Variants in DLG2 observed in about 807,000 individuals in gnomAD.
DLG2 encodes disks large homolog 2.
DLG2 carries 45 observed loss-of-function variants against 132.5 expected under a neutral mutation model. The ratio of observed to expected loss-of-function variants is 0.34; its 90% CI spans 0.27 to 0.44. DLG2 has a LOEUF of 0.44. Among genes scored for constraint, DLG2 ranks in the 20% least tolerant of loss-of-function variants. DLG2 has a pLI of 1.00. For synonymous variants in DLG2, 424 were observed against 419.6 expected (o/e 1.01, Z -0.13); for missense variants, 1,045 against 1,196.9 (o/e 0.87, Z 1.87).
At chr11:85,468,785 T>A (rs371055792) in intron 3 of DLG2, among the ~76,000 whole-genome samples, 2 of 152,194 alleles carry the variant, frequency 1.3e-5, no homozygotes, top group Non-Finnish European at 2.9e-5. Flanking sequence ...GAATGTATAT[T>A]CTGTTGATTT....
intron 19 of DLG2, among the ~76,000 whole-genome samples, chr11:83,596,650 A>G (rs2057635039): frequency 6.6e-6 from 1 of 152,202 alleles, no homozygotes; most frequent in Non-Finnish European, 1.5e-5. Flanking sequence ...GTTACTTTAC[A>G]TGATATTCAA....
intron 18 of DLG2, among the ~76,000 whole-genome samples, chr11:83,708,374 T>C (rs886190363): frequency 2.0e-5 from 3 of 152,050 alleles, no homozygotes; most frequent in African/African-American, 4.8e-5. Context: ...ATGTTGAAAA[T>C]AGAAAAATAT....
chr11:84,554,130 T>C (rs1172192581), intron 6 of DLG2, among the ~76,000 whole-genome samples: 1 of 152,246 alleles, frequency 6.6e-6, no homozygotes, highest in African/African-American at 2.4e-5. Context: ...ATTCAGTTCA[T>C]GGCTTCATTT....
At chr11:85,433,799 A>G (rs1443702691) in intron 3 of DLG2, among the ~76,000 whole-genome samples, 1 of 152,214 alleles carries the variant, frequency 6.6e-6, no homozygotes, top group African/African-American at 2.4e-5. Flanking sequence ...ACTTGAACTC[A>G]GCTCTGGATC....
intron 6 of DLG2, among the ~76,000 whole-genome samples, chr11:84,796,802 C>A (rs1598342429): frequency 6.6e-6 from 1 of 151,340 alleles, no homozygotes; most frequent in South Asian, 2.1e-4. Flanking sequence ...TGTGTCTTTT[C>A]TTTTGTTGTT....
intron 18 of DLG2, among the ~76,000 whole-genome samples, chr11:83,639,996 T>C (rs1041281720): frequency 2.6e-5 from 4 of 152,170 alleles, no homozygotes; most frequent in African/African-American, 7.2e-5. Flanking sequence ...GTTATTACTT[T>C]GGTGACTCCT....
At chr11:85,380,684 A>T (rs924562524) in intron 3 of DLG2, among the ~76,000 whole-genome samples, 4 of 152,294 alleles carry the variant, frequency 2.6e-5, no homozygotes, top group African/African-American at 9.6e-5. Flanking sequence ...AAAAAAAGTG[A>T]ACATGGAGGA....
chr11:84,877,282 G>A lies in DLG2; in HGVS notation c.357+234379C>T, dbSNP rs112376133. On this transcript the variant is annotated intron_variant, in intron 6 of 27. Coordinates refer to ENST00000376104, the MANE Select transcript of DLG2 (RefSeq NM_001142699.3). ...ATTGATCTGTCTAATATTGACAGTG[G>A]GGTGTAAAAGTCTCCCAATATTATT... Among the ~76,000 whole-genome samples, 544 of 152,044 alleles carry A rather than the reference G, an allele frequency of 3.6e-3. 6 individuals carry two copies. The highest frequency in any genetic ancestry group is 0.012 in the African/African-American group (501 of 41,480).
chr11:84,783,253 T>C (rs1365777192), intron 6 of DLG2, among the ~76,000 whole-genome samples: 3 of 152,186 alleles, frequency 2.0e-5, no homozygotes, highest in Admixed American at 6.5e-5. Context: ...ATTTTCATCC[T>C]GGGTAAAACA....
At chr11:85,323,736 T>A (rs528965065) in intron 3 of DLG2, among the ~76,000 whole-genome samples, 31 of 152,218 alleles carry the variant, frequency 2.0e-4, no homozygotes, top group Non-Finnish European at 3.5e-4. Flanking sequence ...CTCCCACATA[T>A]TAGTGAGAAT....
chr11:84,347,253 G>C (rs1461796281), intron 7 of DLG2, among the ~76,000 whole-genome samples: 1 of 152,142 alleles, frequency 6.6e-6, no homozygotes, highest in Non-Finnish European at 1.5e-5. Flanking sequence ...TGACTTCTTA[G>C]ATGTGTGACC....
intron 5 of DLG2, among the ~76,000 whole-genome samples, chr11:85,115,597 A>G (rs1262680519): frequency 6.6e-6 from 1 of 151,996 alleles, no homozygotes; most frequent in East Asian, 1.9e-4. Context: ...GGAAAATTAT[A>G]CAGAGGAATT....
At chr11:84,015,527 C>T (rs2095130785) in intron 11 of DLG2, among the ~76,000 whole-genome samples, 1 of 152,140 alleles carries the variant, frequency 6.6e-6, no homozygotes, top group African/African-American at 2.4e-5. Flanking sequence ...TGATGCTCTC[C>T]CTTTTTCCAC....
intron 6 of DLG2, among the ~76,000 whole-genome samples, chr11:84,912,603 C>A (rs987815975): frequency 6.6e-6 from 1 of 152,210 alleles, no homozygotes; most frequent in Non-Finnish European, 1.5e-5. Context: ...ATCAGAAAAA[C>A]TGATTTCCTC....
chr11:84,906,543 T>TA (rs925435248), intron 6 of DLG2, among the ~76,000 whole-genome samples: 26 of 151,652 alleles, frequency 1.7e-4, no homozygotes, highest in African/African-American at 5.1e-4. Flanking sequence ...GACAGCTTAT[T>TA]AAAAAAAACA....
In DLG2 at chr11:83,938,880, TC is replaced by T. The variant is rs1052954461; in HGVS notation, c.1341-8398del. 2.0e-4 allele frequency among the ~76,000 whole-genome samples: 30 copies of T among 152,190 alleles called. 1 individual carries two copies. The highest frequency in any genetic ancestry group is 7.0e-4 in the African/African-American group (29 of 41,440). On this transcript the variant is annotated intron_variant, in intron 14 of 27. Transcript: ENST00000376104. ...CTAAGGAGCTGGATCTCTACAGCTT[TC>T]CCTTCAAGATAACGCTGTTTCTTTT...
intron 7 of DLG2, among the ~76,000 whole-genome samples, chr11:84,306,049 C>T (rs2098214432): frequency 6.6e-6 from 1 of 152,080 alleles, no homozygotes; most frequent in Admixed American, 6.6e-5. Flanking sequence ...TTGTGACCAA[C>T]ATCACTCCTT....
intron 7 of DLG2, among the ~76,000 whole-genome samples, chr11:84,283,813 TA>T (rs1229760736): frequency 1.3e-5 from 2 of 152,196 alleles, no homozygotes; most frequent in Non-Finnish European, 2.9e-5. Flanking sequence ...GTTTGCTTGA[TA>T]TTATTACTAT....
At chr11:84,547,845 G>C (rs187674635) in intron 6 of DLG2, among the ~76,000 whole-genome samples, 70 of 152,168 alleles carry the variant, frequency 4.6e-4, no homozygotes, top group Middle Eastern at 3.4e-3. Flanking sequence ...CTACTAAATG[G>C]AACTACCCCT....
Sources: gnomAD v4.1 joint callset for allele counts (sites outside exome capture counted in the v4.1 genomes callset) on GRCh38, gnomAD v4.1.1 for gene constraint, MANE v1.5 for transcripts, NCBI Gene and HGNC (gene_info 2026-07-23, HGNC 2026-07-21) for gene names.